The following BMPR1B variants were observed in gnomAD, a reference collection of about 807,000 sequenced individuals.
BMPR1B encodes the protein bone morphogenetic protein receptor type 1B, also known as bone morphogenetic protein receptor type-1B.
A neutral mutation model predicts 59.1 loss-of-function variants in BMPR1B; 12 were observed. The observed-to-expected ratio is 0.20, with a 90% confidence interval of 0.13 to 0.33. The LOEUF (loss-of-function observed/expected upper bound fraction) is 0.33, where lower values mean the gene tolerates loss of function less well. Ranked by LOEUF, BMPR1B falls within the 10% of genes least tolerant of loss-of-function variation. The probability of loss-of-function intolerance (pLI) is 1.00; values close to 1 mark genes in which losing one functional copy is unlikely to be tolerated. For synonymous variants in BMPR1B, 237 were observed against 207.3 expected (o/e 1.14, Z -1.23); for missense variants, 550 against 610.9 (o/e 0.90, Z 1.05).
At chr4:95,040,497 T>C (rs1043858891) in intron 3 of BMPR1B, among the ~76,000 whole-genome samples, 6 of 152,222 alleles carry the variant, frequency 3.9e-5, no homozygotes, top group African/African-American at 1.4e-4. Flanking sequence ...AGGAAACTGT[T>C]CAGCTTTTTA....
In BMPR1B at chr4:95,106,735, A is replaced by G. The variant is rs368884792; in HGVS notation, c.143+2168A>G. On this transcript the variant is annotated intron_variant, in intron 4 of 12. Transcript: ENST00000515059. ...GAGAAGAGGTTGAGGAGAGAGGTCA[A>G]AATGTGCATAGCATTAGTCACTGTT... Among the ~76,000 whole-genome samples the G allele has an allele frequency of 3.3e-4, 50 of 152,130 alleles. 1 individual carries two copies. The East Asian group carries it at 5.4e-3, about 16-fold the overall frequency.
chr4:94,919,765 A>G (rs758795101), intron 2 of BMPR1B, among the ~76,000 whole-genome samples: 14 of 152,170 alleles, frequency 9.2e-5, no homozygotes, highest in Non-Finnish European at 1.9e-4. Flanking sequence ...TTGATATGGG[A>G]ATGGGGAACT....
intron 1 of BMPR1B, among the ~76,000 whole-genome samples, chr4:94,875,466 C>A (rs561965124): frequency 1.3e-5 from 2 of 152,122 alleles, no homozygotes; most frequent in Non-Finnish European, 2.9e-5. Context: ...GGGTGGATCA[C>A]GAGGTCAGGA....
intron 3 of BMPR1B, among the ~76,000 whole-genome samples, chr4:95,008,026 A>G (rs1722971826): frequency 6.6e-6 from 1 of 152,204 alleles, no homozygotes; most frequent in Admixed American, 6.5e-5. Context: ...TTGTGCAACT[A>G]TGTGGGAGTT....
At chr4:94,770,697 A>C (rs1318750105) in intron 1 of BMPR1B, among the ~76,000 whole-genome samples, 1 of 152,064 alleles carries the variant, frequency 6.6e-6, no homozygotes, top group Non-Finnish European at 1.5e-5. Context: ...TGCCAAAATA[A>C]TTCCTTTTTT....
chr4:94,836,697 AT>A (rs1724832109), intron 1 of BMPR1B, among the ~76,000 whole-genome samples: 2 of 146,512 alleles, frequency 1.4e-5, no homozygotes, highest in South Asian at 4.5e-4. Flanking sequence ...ATTTTCTCCC[AT>A]TTTGTAGGTT....
chr4:94,819,167 CTT>C, intron 1 of BMPR1B, among the ~76,000 whole-genome samples: 1 of 151,600 alleles, frequency 6.6e-6, no homozygotes, highest in South Asian at 2.1e-4. Context: ...CTCTTATAGG[CTT>C]AACTTTGGGT....
Position 94,912,770 on chromosome 4 carries a change from T to C in BMPR1B, c.-113+36870T>C, listed in dbSNP as rs1003337630. Among the ~76,000 whole-genome samples the C allele has an allele frequency of 3.2e-4, 49 of 152,140 alleles. 1 individual carries two copies. Among genetic ancestry groups the C allele is most frequent in the African/African-American group, 1.1e-3 (47 of 41,432 alleles). ...CCTCACAGGTGATTCTGGTATGTGC[T>C]CTTAGGGAGGGCACTTTTCTCTCTT... On this transcript the variant is annotated intron_variant, in intron 2 of 12. Coordinates refer to ENST00000515059, the MANE Select transcript of BMPR1B (RefSeq NM_001203.3).
intron 3 of BMPR1B, among the ~76,000 whole-genome samples, chr4:95,071,581 GT>G (rs1158206989): frequency 1.3e-5 from 2 of 149,426 alleles, no homozygotes; most frequent in Non-Finnish European, 3.0e-5. Context: ...GAAGGGCTAT[GT>G]TGCCAAAATT....
chr4:95,045,199 C>G lies in BMPR1B; in HGVS notation c.-18+49065C>G, dbSNP rs183572258. Among the ~76,000 whole-genome samples, 13 of 152,196 alleles carry G rather than the reference C, an allele frequency of 8.5e-5. No homozygotes were observed. In the East Asian group the frequency reaches 2.5e-3, roughly 29 times the overall value. ...AGAAAATAACACTCACCTTATTGTT[C>G]TCATTAAGAATAACAAATATATTAT... On this transcript the variant is annotated intron_variant, in intron 3 of 12. Coordinates refer to ENST00000515059, the MANE Select transcript of BMPR1B (RefSeq NM_001203.3).
intron 3 of BMPR1B, among the ~76,000 whole-genome samples, chr4:95,031,439 T>C (rs1195197700): frequency 1.3e-5 from 2 of 152,102 alleles, no homozygotes; most frequent in South Asian, 2.1e-4. Context: ...GAGAATATTA[T>C]GGATGGATTG....
chr4:94,842,421 G>A lies in BMPR1B; in HGVS notation c.-182-33410G>A, dbSNP rs1413866750. On this transcript the variant is annotated intron_variant, in intron 1 of 12. Transcript: ENST00000515059. ...TACCACATCCTAGATAGATTTTCTA[G>A]AAAACCATGGTTTTCATAAAATATT... Among the ~76,000 whole-genome samples, 8 of 151,974 alleles carry A rather than the reference G, an allele frequency of 5.3e-5. No individual in the cohort carries two copies. In the East Asian group the frequency reaches 1.5e-3, roughly 29 times the overall value.
chr4:95,114,807 A>G lies in BMPR1B; in HGVS notation c.231A>G (p.Ser77=), dbSNP rs1731897328. 4 of 1,610,500 alleles carry G rather than the reference A, an allele frequency of 2.5e-6. No homozygotes were observed. Among genetic ancestry groups the G allele is most frequent in the Non-Finnish European group, 3.4e-6 (4 of 1,176,880 alleles). The change falls in exon 5 of 13, where the codon TCA becomes TCG. Residue 77 remains serine (S), a synonymous_variant. Transcript: ENST00000515059. ...VTSGCLGLEG[S]DFQCRDTPIP... ...CTGGTTGCCTAGGACTAGAAGGCTC[A>G]GATTTTCAGTGTCGGGTAAGGTAGA...
intron 2 of BMPR1B, among the ~76,000 whole-genome samples, chr4:94,919,617 C>A (rs1728617420): frequency 6.6e-6 from 1 of 152,062 alleles, no homozygotes; most frequent in African/African-American, 2.4e-5. Context: ...GATCTCCTTG[C>A]TCTGCATCTG....
intron 3 of BMPR1B, among the ~76,000 whole-genome samples, chr4:95,036,826 A>C (rs568492448): frequency 2.0e-5 from 3 of 150,668 alleles, no homozygotes; most frequent in Non-Finnish European, 4.4e-5. Context: ...AGTAATTTAC[A>C]TTCCCACCAA....
Position 94,854,348 on chromosome 4 carries a change from GTAGA to G in BMPR1B, c.-182-21477_-182-21474del, listed in dbSNP as rs1337387897. Among the ~76,000 whole-genome samples, 6 of 152,264 alleles carry G rather than the reference GTAGA, an allele frequency of 3.9e-5. No individual in the cohort carries two copies. The South Asian group carries it at 6.2e-4, about 16-fold the overall frequency. The stretch of plus-strand genomic sequence containing the variant: ...ACATGACTATAATAAGAATAATGAA[GTAGA>G]TAGATTCTTGTACTTATATGTAGCA... On this transcript the variant is annotated intron_variant, in intron 1 of 12. Coordinates refer to ENST00000515059, the MANE Select transcript of BMPR1B (RefSeq NM_001203.3).
chr4:95,128,058 A>T (rs1051532328), intron 8 of BMPR1B, among the ~76,000 whole-genome samples: 1 of 151,776 alleles, frequency 6.6e-6, no homozygotes. Flanking sequence ...GCTAATTTTC[A>T]TATTATTTGT....
At chr4:94,769,803 C>T (rs1044235243) in intron 1 of BMPR1B, among the ~76,000 whole-genome samples, 7 of 152,116 alleles carry the variant, frequency 4.6e-5, no homozygotes, top group African/African-American at 7.2e-5. Context: ...TGGTGTTTTA[C>T]GATTTTACTT....
intron 1 of BMPR1B, among the ~76,000 whole-genome samples, chr4:94,763,451 AT>A (rs1016893113): frequency 6.6e-6 from 1 of 151,798 alleles, no homozygotes; most frequent in African/African-American, 2.4e-5. Context: ...AGCCAATTTT[AT>A]TTTTTCCTGT....
Sources: gnomAD v4.1 joint callset for allele counts (sites outside exome capture counted in the v4.1 genomes callset) on GRCh38, gnomAD v4.1.1 for gene constraint, MANE v1.5 for transcripts, NCBI Gene and HGNC (gene_info 2026-07-23, HGNC 2026-07-21) for gene names.